Variants in ZP3 observed in about 807,000 individuals in gnomAD.
ZP3 encodes the protein zona pellucida glycoprotein 3, also known as zona pellucida sperm-binding protein 3.
A neutral mutation model predicts 35.6 loss-of-function variants in ZP3; 21 were observed. That is an observed-to-expected ratio of 0.59 (90% CI 0.42 to 0.85). The LOEUF (loss-of-function observed/expected upper bound fraction) is 0.85, where lower values mean the gene tolerates loss of function less well. Among genes scored for constraint, ZP3 ranks in the 40% least tolerant of loss-of-function variants. The pLI is 0.00. For synonymous variants in ZP3, 207 were observed against 214.5 expected, an observed-to-expected ratio of 0.96 and a Z score of 0.31; for missense variants, 437 against 536.5, an observed-to-expected ratio of 0.81 and a Z score of 1.83.
intron 1 of ZP3, among the ~76,000 whole-genome samples, chr7:76,418,603 T>A (rs1805433812): frequency 1.7e-5 from 2 of 114,428 alleles, no homozygotes; most frequent in East Asian, 3.0e-4. Context: ...ACACCTATAA[T>A]CCCAGCACTT....
chr7:76,424,862 AG>A, upstream of ZP3: 1 of 1,115,486 alleles, frequency 9.0e-7, no homozygotes, highest in South Asian at 1.7e-5. Context: ...CCAGCTGGCT[AG>A]GGAAGGGAGG....
At chr7:76,400,463 C>G in intron 1 of ZP3, 1 of 1,608,714 alleles carries the variant, frequency 6.2e-7, no homozygotes. Flanking sequence ...AGGCCACAGC[C>G]CAGCTGGCGA....
chr7:76,409,891 C>A (rs920742756), intron 1 of ZP3, among the ~76,000 whole-genome samples: 1 of 152,116 alleles, frequency 6.6e-6, no homozygotes, highest in Non-Finnish European at 1.5e-5. Flanking sequence ...CCAGGAGTCC[C>A]GCCTGATGAT....
Position 76,428,164 on chromosome 7 carries a change from T to TTAA in ZP3, c.313-1351_313-1350insTAA, listed in dbSNP as rs1554625139. On this transcript the variant is annotated intron_variant, in intron 1 of 7. Transcript: ENST00000394857. The stretch of plus-strand genomic sequence containing the variant: ...AACATGGCGAAACCCTGTCTCTATT[T>TTAA]AAAAAAAAAAAAAAAAGGCACGGTG... Among the ~76,000 whole-genome samples, 159 of 133,976 alleles carry TTAA rather than the reference T, an allele frequency of 1.2e-3. 1 individual carries two copies. The highest frequency in any genetic ancestry group is 2.8e-3 in the African/African-American group (106 of 37,764). The allele number at this position is 133,976 out of a possible 152,430, so 87.9% of individuals were successfully genotyped here.
chr7:76,398,664 G>T, intron 1 of ZP3: 2 of 1,538,508 alleles, frequency 1.3e-6, no homozygotes, highest in Non-Finnish European at 1.8e-6. Context: ...CCTAGGGTAG[G>T]GTGTGAGAGA....
At chr7:76,417,521 A>G (rs1485787721) in intron 1 of ZP3, among the ~76,000 whole-genome samples, 1 of 152,112 alleles carries the variant, frequency 6.6e-6, no homozygotes, top group African/African-American at 2.4e-5. Flanking sequence ...CACATTCTCA[A>G]ATTTGTGATT....
At chr7:76,435,066 G>A (rs1396543461) in intron 5 of ZP3, among the ~76,000 whole-genome samples, 18 of 152,364 alleles carry the variant, frequency 1.2e-4, no homozygotes, top group East Asian at 7.7e-4. Flanking sequence ...GAAGTAAATT[G>A]CCTGGTGCGG....
chr7:76,430,673 T>G (rs1215017322), intron 2 of ZP3, among the ~76,000 whole-genome samples: 1 of 152,180 alleles, frequency 6.6e-6, no homozygotes, highest in African/African-American at 2.4e-5. Context: ...ATGCAGAGGT[T>G]GCAGTGAGCT....
At chr7:76,412,948 GTCTTCTTCT>G (rs1166298027) in intron 1 of ZP3, among the ~76,000 whole-genome samples, 1 of 135,370 alleles carries the variant, frequency 7.4e-6, no homozygotes, top group Non-Finnish European at 1.5e-5. Context: ...TTTCTTCTTT[GTCTTCTTCT>G]TCTTCTTCTT....
chr7:76,420,049 G>T (rs1477836110), upstream of ZP3, among the ~76,000 whole-genome samples: 1 of 151,274 alleles, frequency 6.6e-6, no homozygotes, highest in Non-Finnish European at 1.5e-5. Context: ...TGATCCTCCT[G>T]CCTCGGCCTC....
chr7:76,437,494 T>C (rs570984503), intron 5 of ZP3, among the ~76,000 whole-genome samples: 25 of 150,618 alleles, frequency 1.7e-4, no homozygotes, highest in Non-Finnish European at 3.1e-4. Flanking sequence ...TTTTGTTTTT[T>C]TTTGGGGGGA....
chr7:76,429,685 G>T, intron 2 of ZP3, 52 bp downstream of exon 2: 1 of 1,527,314 alleles, frequency 6.5e-7, no homozygotes, highest in South Asian at 1.1e-5. Context: ...CTTGGGTGTG[G>T]CTGCAGGCAA....
chr7:76,430,019 C>A (rs183286213), intron 2 of ZP3, among the ~76,000 whole-genome samples: 2 of 152,034 alleles, frequency 1.3e-5, no homozygotes, highest in Admixed American at 6.6e-5. Context: ...TCAAGGAGTT[C>A]AAGACCAGTC....
In ZP3 at chr7:76,397,985, T is replaced by C. The variant is rs60001269; in HGVS notation, c.-67+188T>C. ...CCGCCTCCTTGGTCCAGACTGGGGGTAGCTTGTGGGATCATAGTATCATTT... is the reference window on the plus strand; with the variant it reads ...CCGCCTCCTTGGTCCAGACTGGGGGCAGCTTGTGGGATCATAGTATCATTT... On this transcript the variant is annotated intron_variant, in intron 1 of 8. Coordinates refer to the ZP3 transcript ENST00000336517. Among the ~76,000 whole-genome samples the C allele has an allele frequency of 7.6e-3, 1,159 of 152,144 alleles. 18 individuals are homozygous for C. Among genetic ancestry groups the C allele is most frequent in the African/African-American group, 0.027 (1,118 of 41,504 alleles).
chr7:76,398,496 G>A (rs957615476), intron 1 of ZP3, among the ~76,000 whole-genome samples: 1 of 152,138 alleles, frequency 6.6e-6, no homozygotes, highest in Non-Finnish European at 1.5e-5. Flanking sequence ...GTAGAGACAG[G>A]GTTTCACCAT....
intron 5 of ZP3, among the ~76,000 whole-genome samples, chr7:76,438,535 T>TCA (rs1369555628): frequency 3.8e-5 from 1 of 26,170 alleles, no homozygotes; most frequent in African/African-American, 3.2e-4. Context: ...AGACTCCGTC[T>TCA]CAGAAAAAAA....
chr7:76,433,633 C>T lies in ZP3; in HGVS notation c.699C>T (p.Ile233=), dbSNP rs777208815. 8.1e-6 allele frequency: 13 copies of T among 1,608,626 alleles called. No individual in the cohort carries two copies. Among genetic ancestry groups the T allele is most frequent in the African/African-American group, 6.7e-5 (5 of 74,804 alleles). ...AGAATGCCTCCCCTTATCACACCAT[C>T]GTGGACTTCCATGGGTGAGCACTGG... is the stretch of plus-strand genomic sequence containing the variant. ...PDQNASPYHT[I]VDFHGCLVDG... The change falls in exon 4 of 8, where the codon ATC becomes ATT. Residue 233 remains isoleucine, a synonymous_variant. Coordinates refer to ENST00000394857, the MANE Select transcript of ZP3 (RefSeq NM_001110354.2).
Position 76,433,109 on chromosome 7 carries a change from T to TTTG in ZP3, c.535+81_535+82insGTT, listed in dbSNP as rs1293754507. On this transcript the variant is annotated intron_variant, in intron 3 of 7. Transcript: ENST00000394857. ...ACCCCTGCCCTTGGCTGTGTCTTTT[T>TTTG]TTTGTTTGTTTGGTTTTGGTTTTGG... 2.1e-5 allele frequency: 26 copies of TTTG among 1,258,018 alleles called. No individual in the cohort carries two copies. In the Admixed American group the frequency reaches 2.7e-4, roughly 13 times the overall value. The allele number at this position is 1,258,018 out of a possible 1,614,324, so 77.9% of individuals were successfully genotyped here. A position where few individuals can be genotyped will look rare whatever the true frequency, so the allele number is the denominator to read the frequency against.
chr7:76,400,540 A>G (rs745651709), intron 1 of ZP3: 4 of 1,552,552 alleles, frequency 2.6e-6, no homozygotes, highest in East Asian at 2.4e-5. Context: ...GCCACCGTGC[A>G]TGACTTCCAG....
Sources: allele counts gnomAD v4.1 joint callset (sites outside exome capture counted in the v4.1 genomes callset), GRCh38; gene constraint gnomAD v4.1.1; transcripts MANE v1.5; gene names NCBI Gene and HGNC (gene_info 2026-07-23, HGNC 2026-07-21).